Variants in SDF4 observed in about 807,000 individuals in gnomAD.
SDF4 encodes the protein stromal cell derived factor 4, also known as 45 kDa calcium-binding protein.
In SDF4, 22 loss-of-function variants were observed where a neutral mutation model predicts 34.2. That is an observed-to-expected ratio of 0.64 (90% CI 0.46 to 0.92). The LOEUF (loss-of-function observed/expected upper bound fraction) is 0.92. Ranked by LOEUF, SDF4 falls within the 40% of genes least tolerant of loss-of-function variation. The probability of loss-of-function intolerance (pLI) is 0.00; values close to 1 mark genes in which losing one functional copy is unlikely to be tolerated. For missense variants in SDF4, 447 were observed against 499.9 expected (o/e 0.89, Z 1.01); for synonymous variants, 236 against 203.1 (o/e 1.16, Z -1.38).
chr1:1,223,593 A>T (rs79367599), intron 3 of SDF4, among the ~76,000 whole-genome samples: 17,431 of 152,240 alleles, frequency 0.11, 1,138 homozygotes, highest in East Asian at 0.17. Flanking sequence ...GGCCCCGAAG[A>T]CATAAGAGGC....
chr1:1,218,539 G>C lies in SDF4; in HGVS notation c.810C>G (p.Asn270Lys). Residue 270 changes from asparagine (N) to lysine (K), a missense_variant, in exon 6 of 7, where the codon AAC (asparagine) becomes AAG (lysine). Physicochemically the swap from Asn to Lys is moderately conservative, Grantham distance 94. Coordinates refer to ENST00000360001, the MANE Select transcript of SDF4 (RefSeq NM_016176.6). The surrounding 1 kb of genome is among the most constrained non-coding windows in gnomAD (Gnocchi z 7.9). The stretch of plus-strand genomic sequence containing the variant: ...ACTCCTTTTTTCTGTCTTTCACCCA[G>C]TTGTCGTCAATGTCCTGGCCCTGCT... ...ENQQGQDIDD[N>K]WVKDRKKEFE... 6.2e-7 allele frequency: 1 copy of C among 1,614,090 alleles called. No individual in the cohort carries two copies. Among genetic ancestry groups the C allele is most frequent in the Non-Finnish European group, 8.5e-7 (1 of 1,179,956 alleles).
At chr1:1,230,008 C>T (rs1324293581) in intron 1 of SDF4, among the ~76,000 whole-genome samples, 3 of 152,360 alleles carry the variant, frequency 2.0e-5, no homozygotes, top group Non-Finnish European at 4.4e-5. Context: ...TCCTGCCGTC[C>T]GAGGCGTGGC....
Position 1,217,411 on chromosome 1 carries a change from G to T in SDF4, c.*101C>A, listed in dbSNP as rs554596524. On this transcript the variant is annotated 3_prime_UTR_variant, in exon 7 of 7. Coordinates refer to ENST00000360001, the MANE Select transcript of SDF4 (RefSeq NM_016176.6). This position sits in a 1 kb window ranked among gnomAD's most constrained non-coding sequence, Gnocchi z 8.5. ...CGCGGTCGGTCGGCCGGTGGCGGGCGGCAGGGAAGAGGTGGGGTCCGGGAC... is the reference window on the plus strand; with the variant it reads ...CGCGGTCGGTCGGCCGGTGGCGGGCTGCAGGGAAGAGGTGGGGTCCGGGAC... 19 of 1,060,292 alleles carry T rather than the reference G, an allele frequency of 1.8e-5. No individual in the cohort carries two copies. In the South Asian group the frequency reaches 4.6e-4, roughly 25 times the overall value. 65.7% of individuals were successfully genotyped at this position (1,060,292 alleles called of 1,614,324 possible). A position where few individuals can be genotyped will look rare whatever the true frequency, so the allele number is the denominator to read the frequency against.
intron 1 of SDF4, among the ~76,000 whole-genome samples, chr1:1,229,796 C>T (rs548727887): frequency 6.6e-6 from 1 of 152,172 alleles, no homozygotes; most frequent in South Asian, 2.1e-4. Context: ...GGCTCCCCCT[C>T]TCCCCCCGAC....
At chr1:1,219,429 C>A (rs1649771926) in intron 4 of SDF4, 1 of 1,015,438 alleles carries the variant, frequency 9.8e-7, no homozygotes, top group Non-Finnish European at 1.2e-6. Context: ...CGCGCCTGCC[C>A]CTCTGGAGGA....
chr1:1,224,346 C>A (rs1638230177), intron 2 of SDF4, among the ~76,000 whole-genome samples: 1 of 152,234 alleles, frequency 6.6e-6, no homozygotes. Flanking sequence ...GTGGCGCAAT[C>A]TTTGCTCACT....
chr1:1,224,850 T>C (rs1408910886), intron 2 of SDF4, among the ~76,000 whole-genome samples: 2 of 152,104 alleles, frequency 1.3e-5, no homozygotes, highest in African/African-American at 4.8e-5. Flanking sequence ...AATGCGAAGG[T>C]TGCAGTGAAC....
chr1:1,226,847 C>A (rs774914210), intron 2 of SDF4, among the ~76,000 whole-genome samples: 1 of 152,168 alleles, frequency 6.6e-6, no homozygotes, highest in South Asian at 2.1e-4. Flanking sequence ...ACCCCCAGCA[C>A]CGGCTGAGCA....
chr1:1,223,705 C>T, intron 3 of SDF4, 127 bp downstream of exon 3: 1 of 922,090 alleles, frequency 1.1e-6, no homozygotes, highest in Non-Finnish European at 1.6e-6. Context: ...ACCTCGGGGT[C>T]TCCGGCTGAC....
Position 1,218,583 on chromosome 1 carries a change from C to A in SDF4, c.766G>T (p.Val256Leu). 2 of 1,614,112 alleles carry A rather than the reference C, an allele frequency of 1.2e-6. No individual in the cohort carries two copies. The highest frequency in any genetic ancestry group is 1.7e-5 in the Admixed American group (1 of 60,032). The change falls in exon 6 of 7, where the codon GTG (valine) becomes TTG (leucine). Residue 256 changes from valine to leucine, a missense_variant. By Grantham distance (32) the Val-to-Leu change is conservative (BLOSUM62 1). Coordinates refer to ENST00000360001, the MANE Select transcript of SDF4 (RefSeq NM_016176.6). The surrounding 1 kb of genome is among the most constrained non-coding windows in gnomAD (Gnocchi z 7.9). The part of the protein sequence containing the change: ...LSVPEFISLP[V>L]GTVENQQGQD... ...CCCTGCTGGTTCTCCACGGTGCCCACGGGCAGGGAGATGAACTCGGGCACA... is the reference window on the plus strand; with the variant it reads ...CCCTGCTGGTTCTCCACGGTGCCCAAGGGCAGGGAGATGAACTCGGGCACA...
chr1:1,226,639 C>T (rs1194235986), intron 2 of SDF4, among the ~76,000 whole-genome samples: 4 of 152,212 alleles, frequency 2.6e-5, no homozygotes, highest in Non-Finnish European at 4.4e-5. Context: ...GAAGTCTAAA[C>T]ACCCACAGCG....
intron 4 of SDF4, 58 bp downstream of exon 4, chr1:1,223,182 AACAC>A (rs57524763): frequency 8.7e-7 from 1 of 1,144,588 alleles, no homozygotes; most frequent in Non-Finnish European, 1.3e-6. Context: ...ATGTACACAC[AACAC>A]ACGCGCGCAC....
chr1:1,219,041 G>A (rs1649733446), intron 4 of SDF4, 114 bp from the exon 5 acceptor site: 1 of 1,601,336 alleles, frequency 6.2e-7, no homozygotes, highest in South Asian at 1.1e-5. Context: ...GCGAGACCGG[G>A]GCCCCACCCT....
chr1:1,229,032 C>T, intron 1 of SDF4, 86 bp from the exon 2 acceptor site: 2 of 552,068 alleles, frequency 3.6e-6, no homozygotes, highest in South Asian at 2.5e-5. Flanking sequence ...AACATATCCT[C>T]GATTCACAGG....
In SDF4 at chr1:1,217,692, C is replaced by A. The variant is rs745821280; in HGVS notation, c.892-4G>T. On this transcript the variant is annotated splice_polypyrimidine_tract_variant and splice_region_variant and intron_variant, in intron 6 of 6. Coordinates refer to ENST00000360001, the MANE Select transcript of SDF4 (RefSeq NM_016176.6). The surrounding 1 kb of genome is among the most constrained non-coding windows in gnomAD (Gnocchi z 8.5). ...CGTTCATGGGGTCCATGTAGCTCTG[C>A]GGGCGAGCGGGGCACAGGTCAGCGT... is the stretch of plus-strand genomic sequence containing the variant. The A allele has an allele frequency of 1.9e-6, 3 of 1,613,574 alleles. No homozygotes were observed. The highest frequency in any genetic ancestry group is 1.3e-5 in the African/African-American group (1 of 75,032).
chr1:1,230,992 C>A (rs1460658661), intron 1 of SDF4, among the ~76,000 whole-genome samples: 1 of 152,222 alleles, frequency 6.6e-6, no homozygotes, highest in Admixed American at 6.5e-5. Context: ...TGATGAGTTA[C>A]ACGGTTTACT....
In SDF4 at chr1:1,229,078, CGTG is replaced by C. The variant is rs1638410898; in HGVS notation, c.-174-135_-174-133del. ...GTGGCATCGCCTTCTCCAGACCACA[CGTG>C]GCACTGCCTTCTCCAGACCACACGT... On this transcript the variant is annotated intron_variant, in intron 1 of 6. Transcript: ENST00000360001. The C allele has an allele frequency of 1.3e-5, 5 of 399,480 alleles. No individual in the cohort carries two copies. In the South Asian group the frequency reaches 2.0e-4, roughly 16 times the overall value. 24.7% of individuals were successfully genotyped at this position (399,480 alleles called of 1,614,324 possible).
In SDF4 at chr1:1,226,300, C is replaced by T. The variant is rs143081155; in HGVS notation, c.305+2168G>A. ...GCTCAAAAGCCCCTAGGACAGGGCA[C>T]CTCCCCTCTGGATGCTCTTTCCAGA... On this transcript the variant is annotated intron_variant, in intron 2 of 6. Transcript: ENST00000360001. Among the ~76,000 whole-genome samples the T allele has an allele frequency of 4.9e-3, 745 of 152,184 alleles. 5 individuals are homozygous for T. Among genetic ancestry groups the T allele is most frequent in the African/African-American group, 0.016 (683 of 41,492 alleles).
intron 4 of SDF4, chr1:1,220,037 C>A (rs561646263): frequency 9.1e-6 from 9 of 985,688 alleles, no homozygotes; most frequent in Non-Finnish European, 9.6e-6. Flanking sequence ...GATGGATGGA[C>A]GGGGCCAAAC....
Sources: allele counts gnomAD v4.1 joint callset (sites outside exome capture counted in the v4.1 genomes callset), GRCh38; gene constraint gnomAD v4.1.1; non-coding constraint Gnocchi (gnomAD v3.1); transcripts MANE v1.5; gene names NCBI Gene and HGNC (gene_info 2026-07-23, HGNC 2026-07-21).